ELFN2: variants seen among roughly 807,000 people sequenced by gnomAD.
ELFN2 encodes the protein extracellular leucine rich repeat and fibronectin type III domain containing 2, also known as protein phosphatase 1 regulatory subunit 29.
A neutral mutation model predicts 45.5 loss-of-function variants in ELFN2; 17 were observed. That is an observed-to-expected ratio of 0.37 (90% CI 0.26 to 0.56). The LOEUF is 0.56. Ranked by LOEUF, ELFN2 falls within the 20% of genes least tolerant of loss-of-function variation. ELFN2 has a pLI of 0.77. For missense variants in ELFN2, 922 were observed against 1,183.2 expected, an observed-to-expected ratio of 0.78 and a Z score of 3.24; for synonymous variants, 550 against 551.5, an observed-to-expected ratio of 1.00 and a Z score of 0.04.
intron 2 of ELFN2, among the ~76,000 whole-genome samples, chr22:37,379,513 C>A (rs1931687912): frequency 1.3e-5 from 2 of 152,196 alleles, no homozygotes; most frequent in African/African-American, 4.8e-5. Context: ...TCCCTTCAGG[C>A]CCCAAGTGCC....
rs1426230165 is a variant in ELFN2 at position 37,370,115 on chromosome 22, A to G, written c.*2957T>C. 1 of 152,152 alleles carries G rather than the reference A, an allele frequency of 6.6e-6. No homozygotes were observed. Among genetic ancestry groups the G allele is most frequent in the East Asian group, 1.9e-4 (1 of 5,178 alleles). 9.4% of individuals were successfully genotyped at this position (152,152 alleles called of 1,614,324 possible). ...GTCTTAGACCCCGCTCTGCCTCACAAAGAACCACATGAACTGGGTCTTCAA... is the reference window on the plus strand; with the variant it reads ...GTCTTAGACCCCGCTCTGCCTCACAGAGAACCACATGAACTGGGTCTTCAA... On this transcript the variant is annotated 3_prime_UTR_variant, in exon 3 of 3. Transcript: ENST00000402918.
In ELFN2 at chr22:37,373,452, G is replaced by A; in HGVS notation, c.2083C>T (p.His695Tyr). ...GGGSGGGGGI[H>Y]HLEVKPAYHC... ...TAGGCCGGCTTCACCTCCAGGTGGT[G>A]GATGCCCCCGCCCCCGCCGCTGCCC... The change falls in exon 3 of 3, where the codon CAC becomes TAC. Residue 695 changes from histidine (H) to tyrosine (Y), a missense_variant. Coordinates refer to ENST00000402918, the MANE Select transcript of ELFN2 (RefSeq NM_052906.5). The A allele has an allele frequency of 1.3e-6, 2 of 1,536,490 alleles. No homozygotes were observed. The highest frequency in any genetic ancestry group is 1.7e-6 in the Non-Finnish European group (2 of 1,143,684).
intron 2 of ELFN2, among the ~76,000 whole-genome samples, chr22:37,386,134 G>T (rs1307177135): frequency 6.6e-6 from 1 of 152,126 alleles, no homozygotes; most frequent in Non-Finnish European, 1.5e-5. Context: ...GGGGTTTGAG[G>T]GTTACCCTCT....
At position 37,373,965 on chromosome 22, in the gene ELFN2, G is replaced by A; in HGVS notation, c.1570C>T (p.Leu524Phe). 1.2e-6 allele frequency: 2 copies of A among 1,613,048 alleles called. No homozygotes were observed. Among genetic ancestry groups the A allele is most frequent in the Non-Finnish European group, 1.7e-6 (2 of 1,179,966 alleles). ...LARPEDDLPD[L>F]ENGQGSAAEI... Reference sequence around the variant, plus strand: ...GCAGCCGAGCCCTGGCCGTTCTCGAGGTCCGGGAGGTCATCCTCGGGCCGA... The same window carrying A: ...GCAGCCGAGCCCTGGCCGTTCTCGAAGTCCGGGAGGTCATCCTCGGGCCGA... The change falls in exon 3 of 3, where the codon CTC becomes TTC. Residue 524 changes from leucine to phenylalanine, a missense_variant. Around this residue, in one of 2 missense-constraint regions of ELFN2, gnomAD observed 564 missense variants for 642.8 expected, o/e 0.88. Transcript: ENST00000402918.
At chr22:37,415,422 T>C (rs2145685757) in intron 2 of ELFN2, among the ~76,000 whole-genome samples, 1 of 152,278 alleles carries the variant, frequency 6.6e-6, no homozygotes, top group South Asian at 2.1e-4. Context: ...ACACAGGCCC[T>C]GGGGCAGGCA....
intron 2 of ELFN2, among the ~76,000 whole-genome samples, chr22:37,406,978 A>G (rs1932517594): frequency 6.6e-6 from 1 of 152,238 alleles, no homozygotes; most frequent in South Asian, 2.1e-4. Flanking sequence ...GGCTTGGGAG[A>G]GGCCCAGAAC....
At chr22:37,396,993 T>C (rs568654210) in intron 2 of ELFN2, among the ~76,000 whole-genome samples, 18 of 152,234 alleles carry the variant, frequency 1.2e-4, no homozygotes, top group Admixed American at 1.1e-3. Flanking sequence ...ATGCTGTCTC[T>C]CCTGCTCAAA....
At chr22:37,403,819 G>A (rs1357725758) in intron 2 of ELFN2, among the ~76,000 whole-genome samples, 1 of 152,248 alleles carries the variant, frequency 6.6e-6, no homozygotes, top group Non-Finnish European at 1.5e-5. Flanking sequence ...CACACGCCGA[G>A]GAGACCACAG....
downstream of ELFN2, among the ~76,000 whole-genome samples, chr22:37,365,245 G>C (rs1035668328): frequency 2.6e-5 from 4 of 152,230 alleles, no homozygotes; most frequent in Admixed American, 2.6e-4. Flanking sequence ...GCTCATTTTA[G>C]GCTCACCTCT....
chr22:37,346,137 C>T (rs1930691031), intron 1 of ELFN2, among the ~76,000 whole-genome samples: 1 of 152,240 alleles, frequency 6.6e-6, no homozygotes, highest in South Asian at 2.1e-4. Flanking sequence ...TCGGGAAAAG[C>T]ACTTGGCCCA....
Position 37,355,986 on chromosome 22 carries a change from G to A in ELFN2, n.149-13283C>T, listed in dbSNP as rs183348964. On this transcript the variant is annotated intron_variant and non_coding_transcript_variant, in intron 1 of 2. Transcript: ENST00000452946. ...ATGTGTTTCATCAGGGGGTTGTCTT[G>A]GGCTGAGTTCCCCAAAAGCAAAGCC... Among the ~76,000 whole-genome samples, 223 of 152,326 alleles carry A rather than the reference G, an allele frequency of 1.5e-3. 1 individual carries two copies. The highest frequency in any genetic ancestry group is 7.9e-4 in the Non-Finnish European group (54 of 68,032).
In ELFN2 at chr22:37,378,048, C is replaced by T. The variant is rs142487069; in HGVS notation, c.-462-2052G>A. On this transcript the variant is annotated intron_variant, in intron 2 of 2. Coordinates refer to ENST00000402918, the MANE Select transcript of ELFN2 (RefSeq NM_052906.5). ...GTCTGCTCCAATGCAGTCCCTCTTCCTCATCGGGGAATGTCTGGGGACCGC... is the reference window on the plus strand; with the variant it reads ...GTCTGCTCCAATGCAGTCCCTCTTCTTCATCGGGGAATGTCTGGGGACCGC... Among the ~76,000 whole-genome samples, 26 of 152,344 alleles carry T rather than the reference C, an allele frequency of 1.7e-4. No individual in the cohort carries two copies. In the East Asian group the frequency reaches 3.1e-3, roughly 18 times the overall value.
intron 1 of ELFN2, among the ~76,000 whole-genome samples, chr22:37,344,083 CAA>C (rs1930631764): frequency 8.1e-6 from 1 of 123,020 alleles, no homozygotes; most frequent in Non-Finnish European, 1.7e-5. Flanking sequence ...GCCCCCTGCC[CAA>C]CCCCACCTGC....
chr22:37,397,059 G>T (rs1273122460), intron 2 of ELFN2, among the ~76,000 whole-genome samples: 2 of 152,092 alleles, frequency 1.3e-5, no homozygotes, highest in African/African-American at 4.8e-5. Context: ...CTTCTTGGTG[G>T]GTGACCACCA....
chr22:37,406,362 G>A (rs564777623), intron 2 of ELFN2, among the ~76,000 whole-genome samples: 1 of 152,250 alleles, frequency 6.6e-6, no homozygotes, highest in South Asian at 2.1e-4. Flanking sequence ...ACGGAGTGCC[G>A]GGGTGTGGTG....
downstream of ELFN2, chr22:37,367,947 G>A (rs1931242757): frequency 6.6e-6 from 1 of 152,606 alleles, no homozygotes; most frequent in South Asian, 2.1e-4. Context: ...ATACAGCATA[G>A]ACCATGGCCC....
At chr22:37,416,284 A>G (rs1932759056) in intron 2 of ELFN2, among the ~76,000 whole-genome samples, 1 of 152,152 alleles carries the variant, frequency 6.6e-6, no homozygotes, top group Non-Finnish European at 1.5e-5. Context: ...AGGCTCCCCC[A>G]GGGAAGGAGT....
At chr22:37,404,444 G>T (rs1386471797) in intron 2 of ELFN2, among the ~76,000 whole-genome samples, 1 of 152,076 alleles carries the variant, frequency 6.6e-6, no homozygotes, top group Non-Finnish European at 1.5e-5. Context: ...GTCTGGGTGG[G>T]TGGCTGAGTG....
chr22:37,398,814 C>T (rs11705478), intron 2 of ELFN2, among the ~76,000 whole-genome samples: 5,648 of 152,120 alleles, frequency 0.037, 120 homozygotes, highest in Middle Eastern at 0.058. Context: ...CCAGCTGGTG[C>T]GGGATCTCCT....
Sources: allele counts gnomAD v4.1 joint callset (sites outside exome capture counted in the v4.1 genomes callset), GRCh38; gene constraint gnomAD v4.1.1; regional missense constraint gnomAD v4.1.1; transcripts MANE v1.5; gene names NCBI Gene and HGNC (gene_info 2026-07-23, HGNC 2026-07-21).